Variants in STEAP1B observed in about 807,000 individuals in gnomAD.
The protein encoded by STEAP1B is STEAP family member 1B.
A neutral mutation model predicts 27.9 loss-of-function variants in STEAP1B; 13 were observed. The ratio of observed to expected loss-of-function variants is 0.47; its 90% CI spans 0.30 to 0.74. STEAP1B has a LOEUF of 0.74. Ranked by LOEUF, STEAP1B falls within the 30% of genes least tolerant of loss-of-function variation. STEAP1B has a pLI of 0.06. For synonymous variants in STEAP1B, 86 were observed against 107.1 expected, an observed-to-expected ratio of 0.80 and a Z score of 1.22; for missense variants, 250 against 298.7, an observed-to-expected ratio of 0.84 and a Z score of 1.20.
chr7:22,424,602 G>A (rs1411438333), intron 4 of STEAP1B, among the ~76,000 whole-genome samples: 14 of 152,088 alleles, frequency 9.2e-5, no homozygotes, highest in Admixed American at 9.2e-4. Context: ...ATTTGTCCCA[G>A]ATACCTGAAA....
intron 4 of STEAP1B, among the ~76,000 whole-genome samples, chr7:22,468,934 CT>C (rs1452234963): frequency 3.3e-5 from 5 of 152,308 alleles, no homozygotes; most frequent in African/African-American, 1.2e-4. Context: ...GTACATAATA[CT>C]TGCTAATAAC....
intron 4 of STEAP1B, among the ~76,000 whole-genome samples, chr7:22,420,660 C>T (rs966651164): frequency 1.3e-5 from 2 of 152,232 alleles, no homozygotes; most frequent in Non-Finnish European, 2.9e-5. Flanking sequence ...TCTTGCATGG[C>T]TTGTAGGCAT....
chr7:22,461,984 T>C (rs1465448196), intron 4 of STEAP1B, among the ~76,000 whole-genome samples: 3 of 152,200 alleles, frequency 2.0e-5, no homozygotes, highest in African/African-American at 4.8e-5. Context: ...CGCTTGGTAA[T>C]AGTTACCATT....
chr7:22,479,022 G>A (rs996651044), intron 4 of STEAP1B, among the ~76,000 whole-genome samples: 8 of 152,288 alleles, frequency 5.3e-5, no homozygotes, highest in South Asian at 2.1e-4. Flanking sequence ...GAGAAGGGCC[G>A]AGTGGGGTAC....
intron 4 of STEAP1B, among the ~76,000 whole-genome samples, chr7:22,467,077 A>C (rs1785798477): frequency 6.6e-6 from 1 of 152,214 alleles, no homozygotes; most frequent in South Asian, 2.1e-4. Context: ...ATATAATTGA[A>C]GGTTGTTCCA....
intron 4 of STEAP1B, among the ~76,000 whole-genome samples, chr7:22,456,972 A>ATATATATTTTTTTTTTTTTTTTTTTTT: frequency 3.5e-5 from 2 of 57,046 alleles, no homozygotes; most frequent in African/African-American, 7.0e-5. Context: ...ATATATATAT[A>ATATATATTTTTTTTTTTTTTTTTTTTT]TTTTTTTTTT....
intron 4 of STEAP1B, among the ~76,000 whole-genome samples, chr7:22,476,366 C>T (rs1337441433): frequency 1.3e-5 from 2 of 152,092 alleles, no homozygotes; most frequent in Non-Finnish European, 2.9e-5. Context: ...CAGGGATGGC[C>T]CAGTGGCAGC....
Position 22,493,716 on chromosome 7 carries a change from G to T in STEAP1B, c.205C>A (p.Pro69Thr). ...ATTTTAATTGGCAAGTGCCACTGTGGAAAGAGTTCCTGTGCGTGCTGAAGT... is the reference window on the plus strand; with the variant it reads ...ATTTTAATTGGCAAGTGCCACTGTGTAAAGAGTTCCTGTGCGTGCTGAAGT... ...SELQHAQELF[P>T]QWHLPIKIAA... The change falls in exon 3 of 5, where the codon CCA becomes ACA. Residue 69 changes from proline (P) to threonine (T), a missense_variant. Transcript: ENST00000678116. 2 of 1,613,970 alleles carry T rather than the reference G, an allele frequency of 1.2e-6. No individual in the cohort carries two copies. The highest frequency in any genetic ancestry group is 1.7e-6 in the Non-Finnish European group (2 of 1,179,858).
At chr7:22,453,586 A>G (rs1785524703) in intron 4 of STEAP1B, among the ~76,000 whole-genome samples, 1 of 152,236 alleles carries the variant, frequency 6.6e-6, no homozygotes, top group African/African-American at 2.4e-5. Flanking sequence ...AAATTAGGAC[A>G]TAATATAAAA....
At chr7:22,432,729 C>A (rs138307594) in intron 4 of STEAP1B, among the ~76,000 whole-genome samples, 1 of 152,158 alleles carries the variant, frequency 6.6e-6, no homozygotes, top group Non-Finnish European at 1.5e-5. Context: ...CTTCCTAAAC[C>A]TTGACTAGTA....
chr7:22,461,598 G>A (rs941231630), intron 4 of STEAP1B, among the ~76,000 whole-genome samples: 1 of 152,140 alleles, frequency 6.6e-6, no homozygotes, highest in Admixed American at 6.5e-5. Flanking sequence ...CTGCTCCAGC[G>A]TTTGACTGAC....
chr7:22,468,227 G>T (rs1474343627), intron 4 of STEAP1B, among the ~76,000 whole-genome samples: 1 of 151,774 alleles, frequency 6.6e-6, no homozygotes, highest in Non-Finnish European at 1.5e-5. Context: ...AATTTAACTG[G>T]GTGTCCTGTA....
At chr7:22,428,125 T>C (rs1562565045) in intron 4 of STEAP1B, among the ~76,000 whole-genome samples, 2 of 152,130 alleles carry the variant, frequency 1.3e-5, no homozygotes, top group Non-Finnish European at 2.9e-5. Flanking sequence ...CCCTGAGAAG[T>C]GAGCCTGAAC....
chr7:22,475,777 C>T (rs1378114193), intron 4 of STEAP1B, among the ~76,000 whole-genome samples: 1 of 152,202 alleles, frequency 6.6e-6, no homozygotes, highest in Non-Finnish European at 1.5e-5. Context: ...CCTGGCCAGT[C>T]CTGTGGAACA....
chr7:22,468,051 T>C (rs895962347), intron 4 of STEAP1B, among the ~76,000 whole-genome samples: 20 of 152,352 alleles, frequency 1.3e-4, no homozygotes, highest in African/African-American at 4.6e-4. Flanking sequence ...ATATTTCTGC[T>C]AAAGAATATT....
intron 4 of STEAP1B, among the ~76,000 whole-genome samples, chr7:22,454,499 T>G (rs76401215): frequency 0.038 from 5,711 of 152,112 alleles, 352 homozygotes; most frequent in African/African-American, 0.13. Context: ...CAAAACTGAC[T>G]GAAAGAGTAA....
intron 4 of STEAP1B, among the ~76,000 whole-genome samples, chr7:22,454,636 G>A (rs1346563520): frequency 1.3e-5 from 2 of 151,856 alleles, no homozygotes; most frequent in Non-Finnish European, 2.9e-5. Context: ...AGTTGCTGGA[G>A]AAGCCATGTG....
At chr7:22,448,367 T>G (rs1410001365) in intron 4 of STEAP1B, among the ~76,000 whole-genome samples, 4 of 152,068 alleles carry the variant, frequency 2.6e-5, no homozygotes. Context: ...ATCTAAAATT[T>G]TAAAATACAT....
intron 4 of STEAP1B, among the ~76,000 whole-genome samples, chr7:22,450,446 A>G (rs1785469426): frequency 6.6e-6 from 1 of 152,148 alleles, no homozygotes; most frequent in African/African-American, 2.4e-5. Flanking sequence ...TTTTCCCAGT[A>G]TATGTTCTTG....
Sources: allele counts gnomAD v4.1 joint callset (sites outside exome capture counted in the v4.1 genomes callset), GRCh38; gene constraint gnomAD v4.1.1; transcripts MANE v1.5; gene names NCBI Gene and HGNC (gene_info 2026-07-23, HGNC 2026-07-21).